The following TOLLIP variants were observed in gnomAD, a reference collection of about 807,000 sequenced individuals.
The protein encoded by TOLLIP is toll interacting protein.
In TOLLIP, 16 loss-of-function variants were observed where a neutral mutation model predicts 33.5. That is an observed-to-expected ratio of 0.48 (90% CI 0.32 to 0.72). The LOEUF is 0.72. TOLLIP is among the 30% of genes least tolerant of loss of function. The pLI is 0.03. For synonymous variants in TOLLIP, 176 were observed against 163.7 expected, an observed-to-expected ratio of 1.07 and a Z score of -0.57; for missense variants, 325 against 396.6, an observed-to-expected ratio of 0.82 and a Z score of 1.53.
chr11:1,290,864 C>T lies in TOLLIP; in HGVS notation c.184-455G>A, dbSNP rs1483420809. On this transcript the variant is annotated intron_variant, in intron 2 of 5. Coordinates refer to ENST00000317204, the MANE Select transcript of TOLLIP (RefSeq NM_019009.4). This position sits in a 1 kb window ranked among gnomAD's most constrained non-coding sequence, Gnocchi z 4.9. ...TCCTCGCTCTAGGTGAGAGTGAGGA[C>T]ACCTGCTGCACATAATTCAGACGCC... The T allele has an allele frequency of 1.3e-5, 2 of 158,388 alleles. No homozygotes were observed. The highest frequency in any genetic ancestry group is 2.8e-5 in the Non-Finnish European group (2 of 71,792). The allele number at this position is 158,388 out of a possible 1,614,324, so 9.8% of individuals were successfully genotyped here.
chr11:1,297,976 C>A (rs1432524237), intron 1 of TOLLIP, among the ~76,000 whole-genome samples: 1 of 152,230 alleles, frequency 6.6e-6, no homozygotes, highest in Non-Finnish European at 1.5e-5. Context: ...CAGCCCAGAG[C>A]TCTCTCCCCG....
chr11:1,292,679 C>A (rs5743944), intron 2 of TOLLIP, among the ~76,000 whole-genome samples: 2 of 152,170 alleles, frequency 1.3e-5, no homozygotes, highest in African/African-American at 2.4e-5. Flanking sequence ...TGGGGACACA[C>A]GGGCACCGCT....
rs558712141 is a variant in TOLLIP, at chr11:1,277,501, T to C, written c.611-248A>G. Among the ~76,000 whole-genome samples, 83 of 152,278 alleles carry C rather than the reference T, an allele frequency of 5.5e-4. No homozygotes were observed. Among genetic ancestry groups the C allele is most frequent in the African/African-American group, 1.7e-3 (69 of 41,556 alleles). On this transcript the variant is annotated intron_variant, in intron 5 of 5. Coordinates refer to ENST00000317204, the MANE Select transcript of TOLLIP (RefSeq NM_019009.4). The surrounding 1 kb of genome is among the most constrained non-coding windows in gnomAD (Gnocchi z 4.2). ...CGCCTCCTTCACTAACTCATCTTCC[T>C]TCCATATAAAAATCAAAGTTTGATC...
intron 4 of TOLLIP, among the ~76,000 whole-genome samples, chr11:1,287,448 GCACCCTCCC>G: frequency 4.5e-5 from 1 of 22,104 alleles, no homozygotes; most frequent in African/African-American, 1.5e-4. Flanking sequence ...CCTCCCCGCC[GCACCCTCCC>G]CGCCGCAGCC....
intron 1 of TOLLIP, among the ~76,000 whole-genome samples, chr11:1,308,377 A>G (rs1296892564): frequency 6.6e-6 from 1 of 152,218 alleles, no homozygotes; most frequent in African/African-American, 2.4e-5. Flanking sequence ...GCCTTCCGCC[A>G]TGACTGGGAG....
chr11:1,289,555 C>T (rs530304635), intron 3 of TOLLIP, among the ~76,000 whole-genome samples: 14 of 152,384 alleles, frequency 9.2e-5, no homozygotes, highest in South Asian at 4.1e-4. Flanking sequence ...AGTAGGCAGC[C>T]GCACTCTCTG....
At position 1,276,626 on chromosome 11, in the gene TOLLIP, T is replaced by C; in HGVS notation, c.*413A>G. 3 of 1,275,802 alleles carry C rather than the reference T, an allele frequency of 2.4e-6. No homozygotes were observed. The highest frequency in any genetic ancestry group is 3.1e-6 in the Non-Finnish European group (3 of 973,930). The allele number at this position is 1,275,802 out of a possible 1,614,324, so 79.0% of individuals were successfully genotyped here. A position where few individuals can be genotyped will look rare whatever the true frequency, so the allele number is the denominator to read the frequency against. Reference sequence around the variant, plus strand: ...AAAAAACCCACAGTGTGAGGGATTGTGTGTGCCTTAAATCAACAGCTCTAT... The same window carrying C: ...AAAAAACCCACAGTGTGAGGGATTGCGTGTGCCTTAAATCAACAGCTCTAT... On this transcript the variant is annotated 3_prime_UTR_variant, in exon 6 of 6. Coordinates refer to ENST00000317204, the MANE Select transcript of TOLLIP (RefSeq NM_019009.4).
rs148472983 is a variant in TOLLIP at position 1,289,669 on chromosome 11, G to A, written c.366+558C>T. On this transcript the variant is annotated intron_variant, in intron 3 of 5. Transcript: ENST00000317204. ...CCCACCTGCTGGTGAGCGGCCAGACGAGTGCCCAGTGGACACGTGCACACT... is the reference window on the plus strand; with the variant it reads ...CCCACCTGCTGGTGAGCGGCCAGACAAGTGCCCAGTGGACACGTGCACACT... Among the ~76,000 whole-genome samples the A allele has an allele frequency of 4.4e-3, 588 of 134,592 alleles. 3 individuals carry two copies. The highest frequency in any genetic ancestry group is 0.015 in the African/African-American group (542 of 35,038). The allele number at this position is 134,592 out of a possible 152,430, so 88.3% of individuals were successfully genotyped here.
At chr11:1,288,009 G>A (rs907079650) in intron 4 of TOLLIP, among the ~76,000 whole-genome samples, 2 of 152,064 alleles carry the variant, frequency 1.3e-5, no homozygotes, top group African/African-American at 2.4e-5. Flanking sequence ...CGAGACGGCA[G>A]GAGCTCTGCG....
intron 1 of TOLLIP, among the ~76,000 whole-genome samples, chr11:1,297,068 G>A (rs1235908951): frequency 2.0e-5 from 3 of 152,064 alleles, no homozygotes; most frequent in South Asian, 2.1e-4. Context: ...CCGTCTGCAG[G>A]GGCCCCGGTC....
rs1863240866 is a variant in TOLLIP at position 1,274,994 on chromosome 11, A to C, written c.*2045T>G. On this transcript the variant is annotated 3_prime_UTR_variant, in exon 6 of 6. Transcript: ENST00000317204. ...CAGGAAATAAAGCATAAAATGAAGG[A>C]AAGAAGAATCTTATTTAATTAAAGG... is the stretch of plus-strand genomic sequence containing the variant. 6.6e-6 allele frequency: 1 copy of C among 152,268 alleles called. No individual in the cohort carries two copies. Among genetic ancestry groups the C allele is most frequent in the Non-Finnish European group, 1.5e-5 (1 of 68,054 alleles). The allele number at this position is 152,268 out of a possible 1,614,324, so 9.4% of individuals were successfully genotyped here.
At chr11:1,302,886 G>A (rs1056604623) in intron 1 of TOLLIP, 5 of 726,048 alleles carry the variant, frequency 6.9e-6, no homozygotes, top group South Asian at 6.2e-5. Context: ...GCACTCATTC[G>A]CCGTGCCTTG....
rs1329636812 is a variant in TOLLIP, at chr11:1,278,278, T to TGCA, written c.611-1028_611-1026dup. ...ACAGAGCTCCTCCTGCAGCAGCAGC[T>TGCA]GCAGCAGTGCAAGGGTTCACTGCTC... is the stretch of plus-strand genomic sequence containing the variant. On this transcript the variant is annotated intron_variant, in intron 5 of 5. Transcript: ENST00000317204. The surrounding 1 kb of genome is among the most constrained non-coding windows in gnomAD (Gnocchi z 4.7). Among the ~76,000 whole-genome samples the TGCA allele has an allele frequency of 2.6e-5, 4 of 152,062 alleles. No homozygotes were observed. Among genetic ancestry groups the TGCA allele is most frequent in the Non-Finnish European group, 5.9e-5 (4 of 68,002 alleles).
At chr11:1,304,296 G>A (rs1864365624) in intron 1 of TOLLIP, among the ~76,000 whole-genome samples, 1 of 152,006 alleles carries the variant, frequency 6.6e-6, no homozygotes, top group African/African-American at 2.4e-5. Flanking sequence ...CACAAAAATA[G>A]CTGTCAGGAC....
At chr11:1,288,891 C>G in intron 3 of TOLLIP, 115 bp from the exon 4 acceptor site, 1 of 1,132,710 alleles carries the variant, frequency 8.8e-7, no homozygotes, top group Admixed American at 2.5e-5. Flanking sequence ...GAACAGGGCT[C>G]CCACCTGCAC....
chr11:1,287,064 G>A (rs1383564934), intron 4 of TOLLIP, among the ~76,000 whole-genome samples: 1 of 152,096 alleles, frequency 6.6e-6, no homozygotes, highest in Non-Finnish European at 1.5e-5. Context: ...ACTGTCAGCT[G>A]CGGATAAGTC....
chr11:1,306,385 C>T (rs1488363663), intron 1 of TOLLIP, among the ~76,000 whole-genome samples: 1 of 152,010 alleles, frequency 6.6e-6, no homozygotes, highest in Non-Finnish European at 1.5e-5. Context: ...ATCTTGCCGT[C>T]TCCCCTTATC....
intron 1 of TOLLIP, among the ~76,000 whole-genome samples, chr11:1,300,165 C>G (rs1864227498): frequency 6.6e-6 from 1 of 152,226 alleles, no homozygotes. Flanking sequence ...ACAGAGCTCA[C>G]AGCATTTTAT....
chr11:1,282,663 G>C (rs1199631002), intron 5 of TOLLIP, among the ~76,000 whole-genome samples: 1 of 143,194 alleles, frequency 7.0e-6, no homozygotes, highest in Non-Finnish European at 1.5e-5. Context: ...AATTGTTTAG[G>C]AGAAATACCT....
Sources: gnomAD v4.1 joint callset for allele counts (sites outside exome capture counted in the v4.1 genomes callset) on GRCh38, gnomAD v4.1.1 for gene constraint, Gnocchi (gnomAD v3.1) non-coding constraint, MANE v1.5 for transcripts, NCBI Gene and HGNC (gene_info 2026-07-23, HGNC 2026-07-21) for gene names.